Variants in SRRM1 observed in about 807,000 individuals in gnomAD.
SRRM1 encodes the protein serine and arginine repetitive matrix 1, also known as serine/arginine repetitive matrix protein 1.
Under a neutral mutation model 110.2 loss-of-function variants are expected in SRRM1, and 19 were observed. That is an observed-to-expected ratio of 0.17 (90% CI 0.12 to 0.25). SRRM1 has a LOEUF of 0.25. Among genes scored for constraint, SRRM1 ranks in the 10% least tolerant of loss-of-function variants. SRRM1 has a pLI of 1.00. For synonymous variants in SRRM1, 443 were observed against 414.9 expected, an observed-to-expected ratio of 1.07 and a Z score of -0.82; for missense variants, 918 against 1,145.8, an observed-to-expected ratio of 0.80 and a Z score of 2.87.
Position 24,669,275 on chromosome 1 carries a change from C to A in SRRM1, c.1892C>A (p.Pro631Gln). Reference sequence around the variant, plus strand: ...CGAAGAGCATCACCATCTCCACCACCAAAGCGGCGGGTCTCCCATTCTCCA... The same window carrying A: ...CGAAGAGCATCACCATCTCCACCACAAAAGCGGCGGGTCTCCCATTCTCCA... ...PKRRASPSPPPKRRVSHSPPP... is the reference protein window; with the variant it reads ...PKRRASPSPPQKRRVSHSPPP... The change falls in exon 14 of 17, where the codon CCA (proline) becomes CAA (glutamine). Residue 631 changes from proline (P) to glutamine (Q), a missense_variant. Pro to Gln is a moderately conservative substitution (Grantham distance 76). Coordinates refer to ENST00000323848, the MANE Select transcript of SRRM1 (RefSeq NM_005839.4). 1 of 1,614,162 alleles carries A rather than the reference C, an allele frequency of 6.2e-7. No homozygotes were observed. The highest frequency in any genetic ancestry group is 8.5e-7 in the Non-Finnish European group (1 of 1,180,040).
rs765890664 is a variant in SRRM1 at position 24,654,873 on chromosome 1, A to C, written c.1059A>C (p.Ala353=). The C allele has an allele frequency of 6.2e-7, 1 of 1,614,240 alleles. No homozygotes were observed. Among genetic ancestry groups the C allele is most frequent in the East Asian group, 2.2e-5 (1 of 44,890 alleles). ...TCCACAGAAGAAGACGTTCGTCAGC[A>C]TCCTTGTCTGGGAGTAGCTCATCAT... ...SPVRRRRRSS[A]SLSGSSSSSS... The change falls in exon 9 of 17, where the codon GCA becomes GCC. Residue 353 remains alanine (A), a synonymous_variant. Coordinates refer to ENST00000323848, the MANE Select transcript of SRRM1 (RefSeq NM_005839.4).
chr1:24,662,975 TATTAATA>T (rs1370302991), intron 12 of SRRM1, 171 bp downstream of exon 12: 5 of 1,013,214 alleles, frequency 4.9e-6, no homozygotes, highest in Non-Finnish European at 7.1e-6. Flanking sequence ...TATTGGTGGT[TATTAATA>T]ATTAATTTAG....
At chr1:24,648,691 A>T in intron 3 of SRRM1, 168 bp from the exon 4 acceptor site, 1 of 566,120 alleles carries the variant, frequency 1.8e-6, no homozygotes, top group Non-Finnish European at 3.1e-6. Context: ...TATATTGCTG[A>T]GAAGCTACTA....
At chr1:24,669,789 C>T in intron 14 of SRRM1, 2 of 589,064 alleles carry the variant, frequency 3.4e-6, no homozygotes, top group South Asian at 4.8e-5. Flanking sequence ...TTACTTGGTT[C>T]TTAGCAGTTA....
chr1:24,643,357 AGCGCCGG>A lies in SRRM1; in HGVS notation c.21+19_21+25del, dbSNP rs758611536. On this transcript the variant is annotated intron_variant, in intron 1 of 16. Transcript: ENST00000323848. ...CGCGGGATTTTTCCGCGTAAGTAGA[AGCGCCGG>A]GCGCCGGGGTGAGGCCAGGGACTTC... The A allele has an allele frequency of 3.2e-6, 5 of 1,548,872 alleles. No homozygotes were observed. The highest frequency in any genetic ancestry group is 2.7e-5 in the East Asian group (1 of 37,236).
intron 2 of SRRM1, 65 bp from the exon 3 acceptor site, chr1:24,646,602 C>T (rs1657802440): frequency 1.4e-6 from 2 of 1,424,036 alleles, no homozygotes; most frequent in African/African-American, 3.0e-5. Context: ...GTAGACAGAA[C>T]TCTAACTTGA....
chr1:24,667,965 C>CTTTTTTTTTTTTTTTTTTTTTT (rs1038405035), intron 13 of SRRM1, among the ~76,000 whole-genome samples: 5 of 68,528 alleles, frequency 7.3e-5, no homozygotes, highest in Non-Finnish European at 1.1e-4. Context: ...TGCTGCCACT[C>CTTTTTTTTTTTTTTTTTTTTTT]TTTTTTTTTT....
In SRRM1 at chr1:24,643,365, G is replaced by C. The variant is rs948196995; in HGVS notation, c.21+18G>C. On this transcript the variant is annotated intron_variant, in intron 1 of 16. Transcript: ENST00000323848. The stretch of plus-strand genomic sequence containing the variant: ...TTTTCCGCGTAAGTAGAAGCGCCGG[G>C]CGCCGGGGTGAGGCCAGGGACTTCT... 6.5e-7 allele frequency: 1 copy of C among 1,547,992 alleles called. No homozygotes were observed. Among genetic ancestry groups the C allele is most frequent in the South Asian group, 1.2e-5 (1 of 83,890 alleles).
intron 8 of SRRM1, chr1:24,654,442 C>T: frequency 2.9e-6 from 3 of 1,026,210 alleles, no homozygotes; most frequent in Admixed American, 3.1e-5. Flanking sequence ...CTTAGTTTTG[C>T]ACATCTTTTT....
At chr1:24,652,299 T>C (rs928992840) in intron 6 of SRRM1, 135 bp from the exon 7 acceptor site, 11 of 593,092 alleles carry the variant, frequency 1.9e-5, no homozygotes, top group African/African-American at 3.8e-5. Flanking sequence ...TACATACTTA[T>C]GTGTCTTTTG....
rs750893870 is a variant in SRRM1, at chr1:24,654,951, C to T, written c.1137C>T (p.Ser379=). The T allele has an allele frequency of 6.2e-7, 1 of 1,614,198 alleles. No homozygotes were observed. The highest frequency in any genetic ancestry group is 1.1e-5 in the South Asian group (1 of 91,082). Residue 379 remains serine (S), a synonymous_variant, in exon 9 of 17, where the codon TCC becomes TCT. Coordinates refer to ENST00000323848, the MANE Select transcript of SRRM1 (RefSeq NM_005839.4). ...CAAAGAAGCCTCCCAAGAGGACATCCAGCCCCCCTCGGAAAACTCGTAGGT... is the reference window on the plus strand; with the variant it reads ...CAAAGAAGCCTCCCAAGAGGACATCTAGCCCCCCTCGGAAAACTCGTAGGT... The part of the protein sequence containing the change: ...SPPKKPPKRT[S]SPPRKTRRLS...
chr1:24,652,029 A>AATATATATATATATATATACATATATAT (rs1661037499), intron 6 of SRRM1, among the ~76,000 whole-genome samples: 1 of 79,868 alleles, frequency 1.3e-5, no homozygotes, highest in South Asian at 5.1e-4. Flanking sequence ...CTGTACTAAA[A>AATATATATATATATATATACATATATAT]ATATATATAT....
At position 24,669,442 on chromosome 1, in the gene SRRM1, C is replaced by T. The variant is rs149689871; in HGVS notation, c.2059C>T (p.Arg687Trp). 564 of 1,614,068 alleles carry T rather than the reference C, an allele frequency of 3.5e-4. No individual in the cohort carries two copies. Among genetic ancestry groups the T allele is most frequent in the Non-Finnish European group, 4.4e-4 (523 of 1,180,034 alleles). Residue 687 changes from arginine (R) to tryptophan (W), a missense_variant, in exon 14 of 17, where the codon CGG becomes TGG. By Grantham distance (101) the Arg-to-Trp change is moderately radical. Around this residue, in one of 5 missense-constraint regions of SRRM1, gnomAD observed 357 missense variants for 402.9 expected, o/e 0.89. Transcript: ENST00000323848. ...QPNKRHSPSPRPRAPQTSSSP... is the reference protein window; with the variant it reads ...QPNKRHSPSPWPRAPQTSSSP... ...AAACAAACGGCATTCGCCCTCACCA[C>T]GGCCTCGAGCTCCTCAGACCTCCTC... is the stretch of plus-strand genomic sequence containing the variant.
At position 24,672,340 on chromosome 1, in the gene SRRM1, T is replaced by A; in HGVS notation, c.*54T>A. 4 of 1,280,906 alleles carry A rather than the reference T, an allele frequency of 3.1e-6. No individual in the cohort carries two copies. The highest frequency in any genetic ancestry group is 4.4e-6 in the Non-Finnish European group (4 of 915,134). The allele number at this position is 1,280,906 out of a possible 1,614,324, so 79.3% of individuals were successfully genotyped here. ...TATTTGGTTTGTACGCAGTTCAATT[T>A]CAAAATTGCTAAAATGTGTTTGAGC... On this transcript the variant is annotated 3_prime_UTR_variant, in exon 17 of 17. Transcript: ENST00000323848.
chr1:24,666,607 T>C, intron 12 of SRRM1: 1 of 449,072 alleles, frequency 2.2e-6, no homozygotes, highest in Non-Finnish European at 4.1e-6. Flanking sequence ...ACAAAAATAT[T>C]TTAAAAAATT....
In SRRM1 at chr1:24,652,991, T is replaced by G. The variant is rs778193213; in HGVS notation, c.999T>G (p.Pro333=). The G allele has an allele frequency of 7.4e-6, 12 of 1,613,858 alleles. No homozygotes were observed. In the South Asian group the frequency reaches 7.7e-5, roughly 10 times the overall value. ...PRRRTPPRRM[P]PPPRHRRSRS... ...GAAGAACTCCGCCAAGAAGAATGCC[T>G]CCTCCACCAAGGCATAGAAGGAGTA... The change falls in exon 8 of 17, where the codon CCT becomes CCG. Residue 333 remains proline (P), a synonymous_variant. Coordinates refer to ENST00000323848, the MANE Select transcript of SRRM1 (RefSeq NM_005839.4).
intron 16 of SRRM1, 133 bp from the exon 17 acceptor site, chr1:24,672,049 C>A: frequency 1.1e-5 from 7 of 622,820 alleles, no homozygotes; most frequent in Non-Finnish European, 1.4e-5. Flanking sequence ...TTAGGTATAT[C>A]CCTCCCTGCT....
chr1:24,644,029 G>T (rs747006801), intron 1 of SRRM1, among the ~76,000 whole-genome samples: 3 of 152,208 alleles, frequency 2.0e-5, no homozygotes, highest in Non-Finnish European at 4.4e-5. Context: ...CTATGCGCGG[G>T]TATGGAGGCA....
rs770617628 is a variant in SRRM1 at position 24,669,325 on chromosome 1, G to T, written c.1942G>T (p.Val648Phe). ...SPPPKQRSSP[V>F]TKRRSPSLSS... ...ACCTCCCAAACAAAGAAGCTCCCCA[G>T]TCACCAAGAGACGTTCACCTTCATT... is the stretch of plus-strand genomic sequence containing the variant. Residue 648 changes from valine to phenylalanine, a missense_variant, in exon 14 of 17, where the codon GTC becomes TTC. By Grantham distance (50) the Val-to-Phe change is conservative. This residue lies in a region of SRRM1 where 357 missense variants were observed against 402.9 expected (regional missense o/e 0.89). Transcript: ENST00000323848. 1.9e-6 allele frequency: 3 copies of T among 1,613,976 alleles called. No individual in the cohort carries two copies. Among genetic ancestry groups the T allele is most frequent in the Admixed American group, 3.3e-5 (2 of 59,998 alleles).
Sources: allele counts gnomAD v4.1 joint callset (sites outside exome capture counted in the v4.1 genomes callset), GRCh38; gene constraint gnomAD v4.1.1; regional missense constraint gnomAD v4.1.1; transcripts MANE v1.5; gene names NCBI Gene and HGNC (gene_info 2026-07-23, HGNC 2026-07-21).